SLC41A2: variants seen among roughly 807,000 people sequenced by gnomAD.
SLC41A2 encodes SLC41A1-like 1.
SLC41A2 carries 32 observed loss-of-function variants against 58.3 expected under a neutral mutation model. The observed-to-expected ratio is 0.55, with a 90% CI of 0.41 to 0.74. The LOEUF (loss-of-function observed/expected upper bound fraction) is 0.74. Ranked by LOEUF, SLC41A2 falls within the 30% of genes least tolerant of loss-of-function variation. The pLI is 0.00. For missense variants in SLC41A2, 514 were observed against 680.6 expected (o/e 0.76, Z 2.72); for synonymous variants, 190 against 235.0 (o/e 0.81, Z 1.75).
rs1360773713 is a variant in SLC41A2 at position 104,861,356 on chromosome 12, A to G, written c.1190T>C (p.Ile397Thr). Reference protein sequence around the residue: ...AMVISSIGGLILDTTVSDPNL... With the variant: ...AMVISSIGGLTLDTTVSDPNL... ...TGGGTCTGATACAGTTGTGTCCAGA[A>G]TAAGGCCCCCAATGCTGAAAGAGAT... The change falls in exon 8 of 11, where the codon ATT becomes ACT. Residue 397 changes from isoleucine (I) to threonine (T), a missense_variant. Ile to Thr is a moderately conservative substitution (Grantham distance 89). Around this residue, in one of 3 missense-constraint regions of SLC41A2, gnomAD observed 50 missense variants for 104.5 expected, o/e 0.48. Coordinates refer to ENST00000258538, the MANE Select transcript of SLC41A2 (RefSeq NM_001352171.3). 3 of 1,612,748 alleles carry G rather than the reference A, an allele frequency of 1.9e-6. No homozygotes were observed. The highest frequency in any genetic ancestry group is 2.7e-5 in the African/African-American group (2 of 74,896).
chr12:104,830,560 T>C (rs1289759512), intron 10 of SLC41A2, among the ~76,000 whole-genome samples: 2 of 151,854 alleles, frequency 1.3e-5, no homozygotes, highest in African/African-American at 4.9e-5. Context: ...TGTATATTAC[T>C]TTGGGCAAAT....
chr12:104,900,898 C>T (rs1386334777), intron 3 of SLC41A2, among the ~76,000 whole-genome samples: 4 of 152,158 alleles, frequency 2.6e-5, no homozygotes, highest in African/African-American at 9.6e-5. Flanking sequence ...AGACATTTTG[C>T]CAACTTCTTC....
intron 6 of SLC41A2, among the ~76,000 whole-genome samples, chr12:104,878,326 T>TAC (rs1277505528): frequency 6.8e-6 from 1 of 148,126 alleles, no homozygotes; most frequent in East Asian, 2.0e-4. Flanking sequence ...TATATATATA[T>TAC]ACATTTTTTA....
intron 2 of SLC41A2, among the ~76,000 whole-genome samples, chr12:104,924,542 C>G (rs1261589375): frequency 6.6e-6 from 1 of 151,948 alleles, no homozygotes; most frequent in Non-Finnish European, 1.5e-5. Flanking sequence ...GTCGGGAGTT[C>G]AAGACCAGCC....
At chr12:104,934,514 A>G (rs75243562) in intron 1 of SLC41A2, among the ~76,000 whole-genome samples, 1 of 151,712 alleles carries the variant, frequency 6.6e-6, no homozygotes, top group African/African-American at 2.4e-5. Context: ...GAAAAAAAAA[A>G]GAGCATCTAC....
At chr12:104,822,612 A>C (rs2041680556) in intron 10 of SLC41A2, among the ~76,000 whole-genome samples, 1 of 152,210 alleles carries the variant, frequency 6.6e-6, no homozygotes, top group Non-Finnish European at 1.5e-5. Flanking sequence ...ACTGAAAAAC[A>C]AAAACAAAAA....
chr12:104,877,089 G>T (rs1408766462), intron 6 of SLC41A2, among the ~76,000 whole-genome samples: 1 of 152,104 alleles, frequency 6.6e-6, no homozygotes, highest in African/African-American at 2.4e-5. Context: ...AAAGCCTACT[G>T]CTATCATAAA....
intron 2 of SLC41A2, among the ~76,000 whole-genome samples, chr12:104,922,952 A>T (rs1035277258): frequency 5.3e-5 from 8 of 152,122 alleles, no homozygotes; most frequent in Non-Finnish European, 2.9e-5. Flanking sequence ...ATTAAGAAGG[A>T]AATTTAAAAT....
Position 104,866,390 on chromosome 12 carries a change from A to G in SLC41A2, c.1175+42T>C, listed in dbSNP as rs749289388. ...CAAAGACAGACAGACGTACACACAC[A>G]CACACACACACACACACACACACAC... is the stretch of plus-strand genomic sequence containing the variant. On this transcript the variant is annotated intron_variant, in intron 7 of 10. Coordinates refer to ENST00000258538, the MANE Select transcript of SLC41A2 (RefSeq NM_001352171.3). 6.3e-5 allele frequency: 80 copies of G among 1,267,740 alleles called. No homozygotes were observed. In the African/African-American group the frequency reaches 1.2e-3, roughly 20 times the overall value. 78.5% of individuals were successfully genotyped at this position (1,267,740 alleles called of 1,614,324 possible). A position where few individuals can be genotyped will look rare whatever the true frequency, so the allele number is the denominator to read the frequency against.
intron 6 of SLC41A2, among the ~76,000 whole-genome samples, chr12:104,883,911 T>C (rs1226111294): frequency 6.6e-6 from 1 of 152,250 alleles, no homozygotes; most frequent in Non-Finnish European, 1.5e-5. Context: ...CAGAAGTTTC[T>C]GCTGCCTTTT....
intron 1 of SLC41A2, among the ~76,000 whole-genome samples, chr12:104,954,688 T>G (rs781313434): frequency 3.9e-5 from 6 of 152,262 alleles, no homozygotes; most frequent in Non-Finnish European, 7.3e-5. Flanking sequence ...CTCATTCTTC[T>G]AAATAAAGGC....
In SLC41A2 at chr12:104,905,710, A is replaced by G. The variant is rs1296868717; in HGVS notation, c.663+3945T>C. 2.6e-5 allele frequency among the ~76,000 whole-genome samples: 4 copies of G among 152,364 alleles called. No homozygotes were observed. In the East Asian group the frequency reaches 5.8e-4, roughly 22 times the overall value. On this transcript the variant is annotated intron_variant, in intron 3 of 10. Transcript: ENST00000258538. The stretch of plus-strand genomic sequence containing the variant: ...AAATCGAGCGCAGCGCCGGTGGGCC[A>G]GCATTGCTGGGGGACTCAGTACACC...
At chr12:104,861,846 T>C (rs2043226401) in intron 7 of SLC41A2, among the ~76,000 whole-genome samples, 1 of 152,216 alleles carries the variant, frequency 6.6e-6, no homozygotes, top group Non-Finnish European at 1.5e-5. Context: ...GTTATTTTTA[T>C]TGTATTAAAA....
chr12:104,869,108 T>C (rs1043761429), intron 6 of SLC41A2, among the ~76,000 whole-genome samples: 1 of 152,064 alleles, frequency 6.6e-6, no homozygotes, highest in Non-Finnish European at 1.5e-5. Flanking sequence ...CAAGTGATCC[T>C]CCCATCTCAG....
chr12:104,934,182 GA>G (rs200678677), intron 1 of SLC41A2, among the ~76,000 whole-genome samples: 3 of 148,662 alleles, frequency 2.0e-5, no homozygotes, highest in Admixed American at 2.0e-4. Context: ...TCAATGAATG[GA>G]AAAAAAAGTA....
intron 2 of SLC41A2, among the ~76,000 whole-genome samples, chr12:104,924,472 T>G (rs1293214480): frequency 6.6e-6 from 1 of 152,186 alleles, no homozygotes; most frequent in Non-Finnish European, 1.5e-5. Context: ...CAGCCTGGTG[T>G]GGTGGCTCAC....
At chr12:104,954,209 A>T (rs2048062686) in intron 1 of SLC41A2, among the ~76,000 whole-genome samples, 1 of 152,192 alleles carries the variant, frequency 6.6e-6, no homozygotes, top group African/African-American at 2.4e-5. Context: ...CAAAACTCCC[A>T]CTTCCTTAGT....
At chr12:104,821,755 A>G (rs534546875) in intron 10 of SLC41A2, among the ~76,000 whole-genome samples, 1 of 152,338 alleles carries the variant, frequency 6.6e-6, no homozygotes, top group South Asian at 2.1e-4. Flanking sequence ...TCTGGAGAAG[A>G]GAATGGGGCA....
At chr12:104,820,328 C>T (rs1043770385) in intron 10 of SLC41A2, among the ~76,000 whole-genome samples, 1 of 152,126 alleles carries the variant, frequency 6.6e-6, no homozygotes, top group Non-Finnish European at 1.5e-5. Flanking sequence ...CCAGGCATGG[C>T]GGTGCACACC....
Sources: gnomAD v4.1 joint callset for allele counts (sites outside exome capture counted in the v4.1 genomes callset) on GRCh38, gnomAD v4.1.1 for gene constraint, gnomAD v4.1.1 regional missense constraint, MANE v1.5 for transcripts, NCBI Gene and HGNC (gene_info 2026-07-23, HGNC 2026-07-21) for gene names.